The following LARGE1 variants were observed in gnomAD, a reference collection of about 807,000 sequenced individuals.
The protein encoded by LARGE1 is xylosyl- and glucuronyltransferase LARGE1.
LARGE1 carries 43 observed loss-of-function variants against 87.6 expected under a neutral mutation model. The observed-to-expected ratio is 0.49, with a 90% confidence interval of 0.38 to 0.63. LARGE1 has a LOEUF of 0.63. Among genes scored for constraint, LARGE1 ranks in the 30% least tolerant of loss-of-function variants. The probability of loss-of-function intolerance (pLI) is 0.00; values close to 1 mark genes in which losing one functional copy is unlikely to be tolerated. For synonymous variants in LARGE1, 434 were observed against 394.6 expected, an observed-to-expected ratio of 1.10 and a Z score of -1.18; for missense variants, 802 against 1,000.2, an observed-to-expected ratio of 0.80 and a Z score of 2.67.
At chr22:33,678,490 A>C (rs539797005) in intron 2 of LARGE1, among the ~76,000 whole-genome samples, 16 of 152,326 alleles carry the variant, frequency 1.1e-4, no homozygotes, top group African/African-American at 3.1e-4. Context: ...AGAATTCCTC[A>C]CTTTACATAA....
chr22:33,084,292 T>C, the LARGE1 span, among the ~76,000 whole-genome samples: 4 of 152,306 alleles, frequency 2.6e-5, no homozygotes, highest in South Asian at 6.2e-4. Context: ...TGGCTGTTTC[T>C]GTGTTTAGTT....
chr22:33,471,809 C>T (rs1005266160), intron 6 of LARGE1, among the ~76,000 whole-genome samples: 5 of 152,020 alleles, frequency 3.3e-5, no homozygotes, highest in South Asian at 2.1e-4. Flanking sequence ...CCGAGGCGGG[C>T]GCATCATGAG....
At chr22:33,447,531 G>C (rs899751552) in intron 6 of LARGE1, among the ~76,000 whole-genome samples, 2 of 152,160 alleles carry the variant, frequency 1.3e-5, no homozygotes, top group African/African-American at 4.8e-5. Context: ...GGTAACCCCA[G>C]CACGTCCCAA....
At chr22:33,401,580 T>C (rs1299433509) in intron 7 of LARGE1, among the ~76,000 whole-genome samples, 1 of 152,202 alleles carries the variant, frequency 6.6e-6, no homozygotes, top group Non-Finnish European at 1.5e-5. Flanking sequence ...ATATAGCCTG[T>C]GGGGCTTCAC....
At chr22:33,505,900 T>G (rs2070742282) in intron 6 of LARGE1, among the ~76,000 whole-genome samples, 1 of 152,188 alleles carries the variant, frequency 6.6e-6, no homozygotes, top group Admixed American at 6.5e-5. Flanking sequence ...ATGTTCTATG[T>G]TCTGTTCTAT....
At chr22:33,739,919 T>C (rs1387974797) in intron 2 of LARGE1, among the ~76,000 whole-genome samples, 1 of 152,202 alleles carries the variant, frequency 6.6e-6, no homozygotes, top group Non-Finnish European at 1.5e-5. Context: ...ACCCCCTGAA[T>C]GTAGAAAGAC....
chr22:33,800,327 C>G (rs2086120759), intron 1 of LARGE1, among the ~76,000 whole-genome samples: 1 of 152,144 alleles, frequency 6.6e-6, no homozygotes, highest in Non-Finnish European at 1.5e-5. Context: ...ATTTATATAA[C>G]TATAATTATC....
intron 6 of LARGE1, 136 bp downstream of exon 6, chr22:33,564,712 A>G: frequency 1.2e-6 from 1 of 829,348 alleles, no homozygotes; most frequent in Non-Finnish European, 2.0e-6. Context: ...ATTGAACCAT[A>G]TTTGTAATTC....
intron 11 of LARGE1, among the ~76,000 whole-genome samples, chr22:33,179,954 T>A (rs1424930219): frequency 6.6e-6 from 1 of 151,620 alleles, no homozygotes; most frequent in Non-Finnish European, 1.5e-5. Flanking sequence ...CCTTTGTGAA[T>A]GGGAGTAAGG....
chr22:33,811,464 T>C (rs975672675), intron 1 of LARGE1, among the ~76,000 whole-genome samples: 3 of 152,206 alleles, frequency 2.0e-5, no homozygotes, highest in Non-Finnish European at 2.9e-5. Context: ...ATCATTTGCA[T>C]GAGCTTCAGT....
At chr22:33,215,771 C>T (rs1429766987) in intron 11 of LARGE1, among the ~76,000 whole-genome samples, 1 of 152,166 alleles carries the variant, frequency 6.6e-6, no homozygotes, top group Non-Finnish European at 1.5e-5. Context: ...AGCTGGCCAA[C>T]ATGTCGAAAT....
At chr22:33,861,406 A>C (rs2063915473) in intron 1 of LARGE1, 1 of 152,084 alleles carries the variant, frequency 6.6e-6, no homozygotes, top group African/African-American at 2.4e-5. Flanking sequence ...ACACAAACAC[A>C]CACACACACA....
intron 2 of LARGE1, among the ~76,000 whole-genome samples, chr22:33,751,462 G>A (rs2084312346): frequency 6.7e-6 from 1 of 150,136 alleles, no homozygotes; most frequent in Non-Finnish European, 1.5e-5. Flanking sequence ...TCCAGCCTGG[G>A]AGACAGATTG....
At chr22:33,887,173 T>C (rs1374566132) in intron 1 of LARGE1, among the ~76,000 whole-genome samples, 1 of 152,130 alleles carries the variant, frequency 6.6e-6, no homozygotes, top group Non-Finnish European at 1.5e-5. Context: ...CCCCCAAAAT[T>C]GCTTTGTCAA....
chr22:33,501,794 G>A (rs1270889812), intron 6 of LARGE1, among the ~76,000 whole-genome samples: 2 of 152,190 alleles, frequency 1.3e-5, no homozygotes, highest in South Asian at 4.1e-4. Flanking sequence ...TTATAGTCTA[G>A]TGGGTGACAT....
intron 2 of LARGE1, chr22:33,656,853 TTGAGA>T (rs758800910): frequency 6.6e-6 from 1 of 152,186 alleles, no homozygotes; most frequent in African/African-American, 2.4e-5. Context: ...CTGAATCCAC[TTGAGA>T]TGAATGTTCT....
intron 11 of LARGE1, among the ~76,000 whole-genome samples, chr22:33,190,938 C>T (rs1923743899): frequency 6.6e-6 from 1 of 152,196 alleles, no homozygotes; most frequent in Admixed American, 6.5e-5. Flanking sequence ...ACTCTCTCCT[C>T]TGCACCCTGG....
At chr22:33,414,183 T>C (rs1001751954) in intron 7 of LARGE1, among the ~76,000 whole-genome samples, 3 of 152,112 alleles carry the variant, frequency 2.0e-5, no homozygotes, top group African/African-American at 7.2e-5. Flanking sequence ...AAGGGTTCCA[T>C]TACGCCAAGT....
chr22:33,600,353 G>A (rs2079081168), intron 5 of LARGE1, among the ~76,000 whole-genome samples: 1 of 152,172 alleles, frequency 6.6e-6, no homozygotes, highest in South Asian at 2.1e-4. Flanking sequence ...CAAAGGTGGT[G>A]AAAAACAGAC....
Sources: gnomAD v4.1 joint callset for allele counts (sites outside exome capture counted in the v4.1 genomes callset) on GRCh38, gnomAD v4.1.1 for gene constraint, MANE v1.5 for transcripts, NCBI Gene and HGNC (gene_info 2026-07-23, HGNC 2026-07-21) for gene names.